The following TOM1L2 variants were observed in gnomAD, a reference collection of about 807,000 sequenced individuals.
TOM1L2 encodes the protein target of myb1 like 2 membrane trafficking protein, also known as TOM1-like protein 2.
In TOM1L2, 31 loss-of-function variants were observed where a neutral mutation model predicts 67.9. The ratio of observed to expected loss-of-function variants is 0.46; its 90% CI spans 0.34 to 0.62. TOM1L2 has a LOEUF of 0.62. TOM1L2 is among the 20% of genes least tolerant of loss of function. The pLI, the probability that TOM1L2 is intolerant of heterozygous loss-of-function variation, is 0.01. For synonymous variants in TOM1L2, 256 were observed against 254.0 expected, an observed-to-expected ratio of 1.01 and a Z score of -0.07; for missense variants, 606 against 663.5, an observed-to-expected ratio of 0.91 and a Z score of 0.95.
chr17:17,930,915 G>A (rs1247078161), intron 1 of TOM1L2, among the ~76,000 whole-genome samples: 2 of 152,140 alleles, frequency 1.3e-5, no homozygotes, highest in South Asian at 4.1e-4. Flanking sequence ...CCTCTAGGAT[G>A]GGGATTTTTT....
intron 4 of TOM1L2, among the ~76,000 whole-genome samples, chr17:17,892,581 G>A (rs2038344041): frequency 6.6e-6 from 1 of 152,000 alleles, no homozygotes; most frequent in Non-Finnish European, 1.5e-5. Context: ...CTGGCCTCTG[G>A]GCATCCTTCT....
Position 17,972,243 on chromosome 17 carries a change from G to A in TOM1L2, c.52+19C>T. 1 of 1,549,406 alleles carries A rather than the reference G, an allele frequency of 6.5e-7. No homozygotes were observed. The highest frequency in any genetic ancestry group is 8.7e-7 in the Non-Finnish European group (1 of 1,147,024). On this transcript the variant is annotated intron_variant, in intron 1 of 14. Transcript: ENST00000379504. ...AGCGGCCGCCGTTGCCCAGCCTCCT[G>A]CCCCACACGCGGCCTTACCGAGGCA...
At position 17,844,103 on chromosome 17, in the gene TOM1L2, GA is replaced by G. The variant is rs1301038857; in HGVS notation, c.*3531del. 1.3e-5 allele frequency: 2 copies of G among 152,564 alleles called. No individual in the cohort carries two copies. The highest frequency in any genetic ancestry group is 2.4e-5 in the African/African-American group (1 of 41,474). 9.5% of individuals were successfully genotyped at this position (152,564 alleles called of 1,614,324 possible). A position where few individuals can be genotyped will look rare whatever the true frequency, so the allele number is the denominator to read the frequency against. ...GACCACTCCAGCAGTGCCAGAGGCT[GA>G]AGCCAGGCTGCAAGCAAGTGCTCCT... On this transcript the variant is annotated 3_prime_UTR_variant, in exon 15 of 15. Coordinates refer to ENST00000379504, the MANE Select transcript of TOM1L2 (RefSeq NM_001082968.2).
intron 1 of TOM1L2, among the ~76,000 whole-genome samples, chr17:17,933,378 A>G (rs1455812681): frequency 1.3e-5 from 2 of 152,240 alleles, no homozygotes; most frequent in Non-Finnish European, 2.9e-5. Context: ...AAGGGAAACT[A>G]AGTAAGAGAA....
rs554042385 is a variant in TOM1L2 at position 17,912,913 on chromosome 17, C to T, written c.53-5382G>A. On this transcript the variant is annotated intron_variant, in intron 1 of 14. Transcript: ENST00000379504. ...GGGGCACCACTGAGCACTGAGTGAACGAGACTCCGTCTGCAATCCCGGCAC... is the reference window on the plus strand; with the variant it reads ...GGGGCACCACTGAGCACTGAGTGAATGAGACTCCGTCTGCAATCCCGGCAC... Among the ~76,000 whole-genome samples, 4 of 152,326 alleles carry T rather than the reference C, an allele frequency of 2.6e-5. No homozygotes were observed. The South Asian group carries it at 6.2e-4, about 24-fold the overall frequency.
chr17:17,930,121 G>A (rs904827795), intron 1 of TOM1L2, among the ~76,000 whole-genome samples: 2 of 152,212 alleles, frequency 1.3e-5, no homozygotes, highest in Non-Finnish European at 2.9e-5. Context: ...AAATGAGACT[G>A]CCAAGCCTGA....
intron 4 of TOM1L2, among the ~76,000 whole-genome samples, chr17:17,887,547 G>A (rs1261021331): frequency 2.6e-5 from 4 of 152,214 alleles, no homozygotes; most frequent in Admixed American, 2.6e-4. Flanking sequence ...TGCCATCTCA[G>A]CTCACTGCAA....
intron 1 of TOM1L2, among the ~76,000 whole-genome samples, chr17:17,912,278 G>T (rs1455578869): frequency 2.0e-5 from 3 of 150,248 alleles, no homozygotes; most frequent in African/African-American, 7.4e-5. Context: ...CTGGCCGGGC[G>T]GGGGGCTGAC....
chr17:17,891,853 G>A (rs1031062509), intron 4 of TOM1L2, among the ~76,000 whole-genome samples: 1 of 151,822 alleles, frequency 6.6e-6, no homozygotes, highest in Non-Finnish European at 1.5e-5. Flanking sequence ...AGGATATTGG[G>A]TGGGCAGAAC....
At chr17:17,848,268 G>A (rs538558132) in intron 14 of TOM1L2, among the ~76,000 whole-genome samples, 14 of 152,208 alleles carry the variant, frequency 9.2e-5, no homozygotes, top group Non-Finnish European at 1.3e-4. Context: ...CCCTCCCTGC[G>A]GAGCGGTCTG....
intron 12 of TOM1L2, among the ~76,000 whole-genome samples, chr17:17,853,901 T>C (rs2036127113): frequency 6.6e-6 from 1 of 152,254 alleles, no homozygotes; most frequent in Non-Finnish European, 1.5e-5. Context: ...TGCTAGATTG[T>C]ATTTGGCTTT....
chr17:17,898,617 T>C lies in TOM1L2; in HGVS notation c.195A>G (p.Arg65=). Residue 65 remains arginine, a synonymous_variant, in exon 3 of 15, where the codon AGA becomes AGG. Coordinates refer to ENST00000379504, the MANE Select transcript of TOM1L2 (RefSeq NM_001082968.2). ...KKRLNGNRNY[R]EVMLALTVLE... Reference sequence around the variant, plus strand: ...TCACTGTTAATGCCAGCATCACCTCTCTGTAGTTCCGGTTCCCGTTGAGCC... The same window carrying C: ...TCACTGTTAATGCCAGCATCACCTCCCTGTAGTTCCGGTTCCCGTTGAGCC... The C allele has an allele frequency of 6.2e-7, 1 of 1,614,240 alleles. No individual in the cohort carries two copies. The highest frequency in any genetic ancestry group is 8.5e-7 in the Non-Finnish European group (1 of 1,180,036).
intron 1 of TOM1L2, among the ~76,000 whole-genome samples, chr17:17,910,213 G>A (rs114781342): frequency 0.013 from 2,023 of 152,224 alleles, 21 homozygotes; most frequent in African/African-American, 0.041. Flanking sequence ...CCCGGGGCCC[G>A]CAGAAGAAAA....
intron 1 of TOM1L2, among the ~76,000 whole-genome samples, chr17:17,917,097 T>C (rs2039657939): frequency 1.3e-5 from 2 of 152,000 alleles, no homozygotes; most frequent in African/African-American, 2.4e-5. Context: ...CAGGCAGAGG[T>C]TGCAATGAGC....
intron 12 of TOM1L2, 156 bp from the exon 13 acceptor site, chr17:17,851,108 C>A: frequency 1.4e-6 from 1 of 722,102 alleles, no homozygotes; most frequent in Non-Finnish European, 2.4e-6. Flanking sequence ...ACAGGGGCAA[C>A]ACAGGGCAGC....
At chr17:17,937,303 C>T (rs145529301) in intron 1 of TOM1L2, among the ~76,000 whole-genome samples, 6 of 152,248 alleles carry the variant, frequency 3.9e-5, no homozygotes, top group African/African-American at 7.2e-5. Context: ...CAAGGAACAC[C>T]GACATTTTTA....
chr17:17,924,240 T>C (rs937864625), intron 1 of TOM1L2, among the ~76,000 whole-genome samples: 1 of 152,092 alleles, frequency 6.6e-6, no homozygotes, highest in Non-Finnish European at 1.5e-5. Flanking sequence ...AATAGATTAG[T>C]GATTGCCTGG....
intron 7 of TOM1L2, among the ~76,000 whole-genome samples, chr17:17,872,430 G>C (rs896328599): frequency 6.6e-6 from 1 of 152,146 alleles, no homozygotes; most frequent in African/African-American, 2.4e-5. Context: ...ATCCTCCCCT[G>C]CTTCCTAAAA....
intron 1 of TOM1L2, among the ~76,000 whole-genome samples, chr17:17,935,898 G>T (rs374477770): frequency 9.2e-5 from 14 of 152,122 alleles, no homozygotes; most frequent in African/African-American, 3.1e-4. Flanking sequence ...CACTGGTGGT[G>T]CCTGCCTTGT....
Sources: allele counts gnomAD v4.1 joint callset (sites outside exome capture counted in the v4.1 genomes callset), GRCh38; gene constraint gnomAD v4.1.1; transcripts MANE v1.5; gene names NCBI Gene and HGNC (gene_info 2026-07-23, HGNC 2026-07-21).